ANKS1B: variants seen among roughly 807,000 people sequenced by gnomAD.
The protein encoded by ANKS1B is ankyrin repeat and sterile alpha motif domain-containing protein 1B.
In ANKS1B, 36 loss-of-function variants were observed where a neutral mutation model predicts 148.3. The observed-to-expected ratio is 0.24, with a 90% CI of 0.19 to 0.32. The LOEUF is 0.32. Among genes scored for constraint, ANKS1B ranks in the 10% least tolerant of loss-of-function variants. ANKS1B has a pLI of 1.00. For missense variants in ANKS1B, 1,157 were observed against 1,542.6 expected, an observed-to-expected ratio of 0.75 and a Z score of 4.19; for synonymous variants, 542 against 560.8, an observed-to-expected ratio of 0.97 and a Z score of 0.47.
intron 17 of ANKS1B, among the ~76,000 whole-genome samples, chr12:99,032,941 G>T (rs557860168): frequency 1.3e-5 from 2 of 152,310 alleles, no homozygotes; most frequent in African/African-American, 4.8e-5. Flanking sequence ...AGATCAGTAA[G>T]TATATCATGG....
chr12:99,375,322 T>C (rs775849583), intron 12 of ANKS1B, among the ~76,000 whole-genome samples: 2 of 152,178 alleles, frequency 1.3e-5, no homozygotes, highest in Non-Finnish European at 2.9e-5. Flanking sequence ...TCACCCCAAG[T>C]TGAGAACCAC....
At chr12:99,688,354 GTAAGGCTCACCTCATT>G in intron 8 of ANKS1B, among the ~76,000 whole-genome samples, 1 of 152,214 alleles carries the variant, frequency 6.6e-6, no homozygotes, top group Non-Finnish European at 1.5e-5. Context: ...GTGGGTAATT[GTAAGGCTCACCTCATT>G]TGTTTCTCTT....
intron 10 of ANKS1B, among the ~76,000 whole-genome samples, chr12:99,485,052 C>T (rs1264059965): frequency 6.6e-6 from 1 of 151,684 alleles, no homozygotes; most frequent in Non-Finnish European, 1.5e-5. Context: ...AGATTCTGTT[C>T]TCTTCATCAT....
In ANKS1B at chr12:99,914,688, G is replaced by C. The variant is rs541127140; in HGVS notation, c.134+69416C>G. Among the ~76,000 whole-genome samples the C allele has an allele frequency of 2.6e-5, 4 of 152,250 alleles. No individual in the cohort carries two copies. The South Asian group carries it at 8.3e-4, about 32-fold the overall frequency. On this transcript the variant is annotated intron_variant, in intron 1 of 26. Transcript: ENST00000683438. ...TCCCATCAGGGCTCTGATAGGGAAA[G>C]GGGGAGGGTGGTGATGCATGGGAGG... is the stretch of plus-strand genomic sequence containing the variant.
At chr12:99,924,667 C>T (rs889508599) in intron 1 of ANKS1B, among the ~76,000 whole-genome samples, 4 of 151,984 alleles carry the variant, frequency 2.6e-5, no homozygotes, top group African/African-American at 9.7e-5. Context: ...ATTATAAAGG[C>T]CCCCGAAAAA....
intron 17 of ANKS1B, among the ~76,000 whole-genome samples, chr12:98,855,883 T>G (rs1474716508): frequency 6.6e-6 from 1 of 152,228 alleles, no homozygotes; most frequent in East Asian, 1.9e-4. Context: ...AGTCTGTTGT[T>G]TGGGATCCTT....
intron 17 of ANKS1B, among the ~76,000 whole-genome samples, chr12:98,880,569 A>G (rs942999805): frequency 2.6e-5 from 4 of 152,126 alleles, no homozygotes; most frequent in African/African-American, 9.7e-5. Context: ...GATCGAGACC[A>G]TCCTGGCTAA....
intron 21 of ANKS1B, among the ~76,000 whole-genome samples, chr12:98,800,235 A>T (rs1289656255): frequency 6.6e-6 from 1 of 151,928 alleles, no homozygotes; most frequent in Non-Finnish European, 1.5e-5. Context: ...AAAAAAAAAA[A>T]AGCTCAACTG....
At chr12:99,736,652 A>G (rs529329932) in intron 8 of ANKS1B, among the ~76,000 whole-genome samples, 33 of 152,192 alleles carry the variant, frequency 2.2e-4, no homozygotes, top group Non-Finnish European at 4.4e-4. Flanking sequence ...TTTTATGGCA[A>G]AGAATTCAAA....
chr12:99,327,369 ATAT>A (rs1566901325), intron 12 of ANKS1B, among the ~76,000 whole-genome samples: 3 of 119,098 alleles, frequency 2.5e-5, no homozygotes, highest in Non-Finnish European at 4.8e-5. Context: ...ATATAATTAC[ATAT>A]TATATATAAT....
At chr12:99,038,090 C>T (rs2099956632) in intron 17 of ANKS1B, among the ~76,000 whole-genome samples, 1 of 152,150 alleles carries the variant, frequency 6.6e-6, no homozygotes, top group East Asian at 1.9e-4. Flanking sequence ...TTTTTGGCCA[C>T]ACATTGGTTT....
At chr12:99,181,815 T>C (rs568216127) in intron 14 of ANKS1B, among the ~76,000 whole-genome samples, 3 of 151,972 alleles carry the variant, frequency 2.0e-5, no homozygotes, top group African/African-American at 7.2e-5. Flanking sequence ...TACACTCTTT[T>C]AGTTATTTTT....
At chr12:99,852,825 C>G (rs986572534) in intron 1 of ANKS1B, among the ~76,000 whole-genome samples, 1 of 152,182 alleles carries the variant, frequency 6.6e-6, no homozygotes, top group African/African-American at 2.4e-5. Context: ...GGCAAGTTCT[C>G]CACTCTGCTC....
chr12:98,932,774 A>AT (rs959199865), intron 17 of ANKS1B, among the ~76,000 whole-genome samples: 5 of 152,022 alleles, frequency 3.3e-5, no homozygotes, highest in Admixed American at 1.3e-4. Flanking sequence ...GAATAAATTG[A>AT]TTTTTTTCTC....
Position 99,909,627 on chromosome 12 carries a change from C to CCATATTAT in ANKS1B, c.134+74469_134+74476dup, listed in dbSNP as rs956501838. Reference sequence around the variant, plus strand: ...TTTATGCCAGTACCATACTATTTTTCCATATTATAACTTTGTAATATAGTT... The same window carrying CCATATTAT: ...TTTATGCCAGTACCATACTATTTTTCCATATTATCATATTATAACTTTGTAATATAGTT... On this transcript the variant is annotated intron_variant, in intron 1 of 26. Transcript: ENST00000683438. Among the ~76,000 whole-genome samples, 46 of 152,204 alleles carry CCATATTAT rather than the reference C, an allele frequency of 3.0e-4. 1 individual carries two copies. Among genetic ancestry groups the CCATATTAT allele is most frequent in the African/African-American group, 1.0e-3 (42 of 41,544 alleles).
chr12:99,025,487 A>G (rs1223668818), intron 17 of ANKS1B, among the ~76,000 whole-genome samples: 1 of 152,196 alleles, frequency 6.6e-6, no homozygotes, highest in Non-Finnish European at 1.5e-5. Context: ...ACCTTGTACA[A>G]TTGGGGAACT....
Position 98,763,222 on chromosome 12 carries a change from C to T in ANKS1B, c.3579+9820G>A, listed in dbSNP as rs575354366. Among the ~76,000 whole-genome samples the T allele has an allele frequency of 2.6e-5, 4 of 152,308 alleles. No homozygotes were observed. In the South Asian group the frequency reaches 8.3e-4, roughly 32 times the overall value. ...CCTGGTCTACAACTTGCTTCACCCA[C>T]GTCCGGAGGCAAAAATAACTTCGAG... On this transcript the variant is annotated intron_variant, in intron 25 of 26. Transcript: ENST00000683438.
rs374248114 is a variant in ANKS1B at position 99,806,712 on chromosome 12, A to T, written c.373-12T>A. 2.5e-6 allele frequency: 4 copies of T among 1,587,386 alleles called. No individual in the cohort carries two copies. In the East Asian group the frequency reaches 9.0e-5, roughly 36 times the overall value. ...TCATTTTCATTGTTCTAAGACAAAG[A>T]TTTTTAAAAAGGCACATTTTCAGAA... On this transcript the variant is annotated splice_polypyrimidine_tract_variant and intron_variant, in intron 3 of 26. Coordinates refer to ENST00000683438, the MANE Select transcript of ANKS1B (RefSeq NM_001352186.2).
At chr12:99,254,802 T>C (rs2075064642) in intron 12 of ANKS1B, among the ~76,000 whole-genome samples, 1 of 152,232 alleles carries the variant, frequency 6.6e-6, no homozygotes. Flanking sequence ...TTAGTGTGAA[T>C]GACATTTGTA....
Sources: gnomAD v4.1 joint callset for allele counts (sites outside exome capture counted in the v4.1 genomes callset) on GRCh38, gnomAD v4.1.1 for gene constraint, MANE v1.5 for transcripts, NCBI Gene and HGNC (gene_info 2026-07-23, HGNC 2026-07-21) for gene names.